STK39: variants seen among roughly 807,000 people sequenced by gnomAD.
STK39 encodes the protein serine/threonine kinase 39.
A neutral mutation model predicts 77.8 loss-of-function variants in STK39; 20 were observed. The ratio of observed to expected loss-of-function variants is 0.26; its 90% CI spans 0.18 to 0.37. The LOEUF (loss-of-function observed/expected upper bound fraction) is 0.37, where lower values mean the gene tolerates loss of function less well. Among genes scored for constraint, STK39 ranks in the 10% least tolerant of loss-of-function variants. The pLI is 1.00. For synonymous variants in STK39, 246 were observed against 234.1 expected (o/e 1.05, Z -0.47); for missense variants, 479 against 656.5 (o/e 0.73, Z 2.95).
intron 17 of STK39, among the ~76,000 whole-genome samples, chr2:167,956,696 A>ACACACACACACACC (rs776309488): frequency 2.0e-5 from 1 of 48,994 alleles, no homozygotes; most frequent in African/African-American, 8.0e-5. Flanking sequence ...ACACACACAC[A>ACACACACACACACC]CTCTCTCTCT....
intron 16 of STK39, among the ~76,000 whole-genome samples, chr2:167,964,939 C>T (rs1395951808): frequency 2.6e-5 from 4 of 152,192 alleles, no homozygotes; most frequent in South Asian, 4.1e-4. Flanking sequence ...TATCTATGCA[C>T]ATCTGAATTA....
chr2:167,998,381 C>A (rs1013082975), intron 16 of STK39, among the ~76,000 whole-genome samples: 1 of 152,178 alleles, frequency 6.6e-6, no homozygotes, highest in Non-Finnish European at 1.5e-5. Context: ...CTTGAAATGG[C>A]AGGTTTGCTT....
At chr2:168,227,798 C>G (rs1690345437) in intron 1 of STK39, among the ~76,000 whole-genome samples, 1 of 152,158 alleles carries the variant, frequency 6.6e-6, no homozygotes, top group Non-Finnish European at 1.5e-5. Context: ...GCTGAGACTA[C>G]AGGCACCCAC....
intron 10 of STK39, among the ~76,000 whole-genome samples, chr2:168,116,500 A>C (rs1023563119): frequency 6.6e-6 from 1 of 152,188 alleles, no homozygotes; most frequent in African/African-American, 2.4e-5. Context: ...AAAAAAATAT[A>C]TTTTTAAAAA....
chr2:168,056,558 T>G (rs1355628500), intron 14 of STK39, among the ~76,000 whole-genome samples: 4 of 152,128 alleles, frequency 2.6e-5, no homozygotes, highest in Non-Finnish European at 4.4e-5. Flanking sequence ...CACACCCAGA[T>G]AGGCTCGGGG....
chr2:168,032,410 A>G (rs1047718381), intron 14 of STK39, among the ~76,000 whole-genome samples: 4 of 152,250 alleles, frequency 2.6e-5, no homozygotes, highest in Admixed American at 2.0e-4. Context: ...TTAAGGACTT[A>G]ACAAGACTGT....
rs530532714 is a variant in STK39 at position 168,025,813 on chromosome 2, T to G, written c.1377-8718A>C. On this transcript the variant is annotated intron_variant, in intron 14 of 17. Transcript: ENST00000355999. Reference sequence around the variant, plus strand: ...AGCTTCCTGTGGCCAAGCTGACGGCTGCTCTGAAGCAGTATCCCTGCTCAT... The same window carrying G: ...AGCTTCCTGTGGCCAAGCTGACGGCGGCTCTGAAGCAGTATCCCTGCTCAT... Among the ~76,000 whole-genome samples the G allele has an allele frequency of 1.3e-3, 192 of 152,362 alleles. 1 individual carries two copies. Among genetic ancestry groups the G allele is most frequent in the Non-Finnish European group, 2.3e-3 (156 of 68,036 alleles).
chr2:167,999,025 TTCAGTTTTCGCAAG>T (rs11271638), intron 16 of STK39, among the ~76,000 whole-genome samples: 29,073 of 152,062 alleles, frequency 0.19, 2,957 homozygotes, highest in East Asian at 0.43. Flanking sequence ...AACACTAGGA[TTCAGTTTTCGCAAG>T]TCATTATGGC....
At chr2:168,099,189 G>A (rs1686754790) in intron 10 of STK39, among the ~76,000 whole-genome samples, 1 of 152,218 alleles carries the variant, frequency 6.6e-6, no homozygotes, top group African/African-American at 2.4e-5. Flanking sequence ...CCAAGCCCCA[G>A]AACCAAGAGA....
intron 10 of STK39, among the ~76,000 whole-genome samples, chr2:168,097,407 G>A (rs1458883421): frequency 6.6e-6 from 1 of 152,152 alleles, no homozygotes; most frequent in African/African-American, 2.4e-5. Context: ...CTCACTAACT[G>A]GCCCATTCCA....
At chr2:168,233,869 T>C (rs1249821951) in intron 1 of STK39, among the ~76,000 whole-genome samples, 5 of 152,198 alleles carry the variant, frequency 3.3e-5, no homozygotes, top group East Asian at 1.9e-4. Context: ...TCTGAAAATA[T>C]TGGGTTTCAT....
chr2:168,074,794 A>C (rs1275446728), intron 12 of STK39, among the ~76,000 whole-genome samples, 188 bp downstream of exon 12: 2 of 152,186 alleles, frequency 1.3e-5, no homozygotes, highest in African/African-American at 4.8e-5. Flanking sequence ...TCAGAAAGCA[A>C]AGTAATTTGC....
chr2:168,154,466 A>C (rs1688374173), intron 5 of STK39, among the ~76,000 whole-genome samples: 1 of 152,248 alleles, frequency 6.6e-6, no homozygotes, highest in African/African-American at 2.4e-5. Context: ...CACAGAATGT[A>C]AACACAGGTT....
intron 14 of STK39, among the ~76,000 whole-genome samples, chr2:168,022,139 C>T (rs1684586710): frequency 6.6e-6 from 1 of 152,118 alleles, no homozygotes; most frequent in Admixed American, 6.6e-5. Flanking sequence ...TGGGATGCTA[C>T]AGCCTTTTTT....
chr2:167,987,622 C>A (rs1253402837), intron 16 of STK39, among the ~76,000 whole-genome samples: 1 of 151,964 alleles, frequency 6.6e-6, no homozygotes, highest in Non-Finnish European at 1.5e-5. Flanking sequence ...CAGAGGAAAC[C>A]CCAGCTGGCA....
chr2:168,247,552 C>CGCCGCCGCCGCT lies in STK39; in HGVS notation c.-118_-117insAGCGGCGGCGGC, dbSNP rs1690972012. The CGCCGCCGCCGCT allele has an allele frequency of 1.4e-6, 1 of 716,984 alleles. No individual in the cohort carries two copies. The highest frequency in any genetic ancestry group is 1.8e-6 in the Non-Finnish European group (1 of 555,692). The allele number at this position is 716,984 out of a possible 1,614,324, so 44.4% of individuals were successfully genotyped here. Reference sequence around the variant, plus strand: ...GGCGCACGCCCTCCCCGCCCGCCGCCGCCGCCGCCGTCCCCGCCGAAGCCA... The same window carrying CGCCGCCGCCGCT: ...GGCGCACGCCCTCCCCGCCCGCCGCCGCCGCCGCCGCTGCCGCCGCCGTCCCCGCCGAAGCCA... On this transcript the variant is annotated 5_prime_UTR_variant, in exon 1 of 18. Transcript: ENST00000355999.
At chr2:167,965,017 T>C (rs1014500335) in intron 16 of STK39, among the ~76,000 whole-genome samples, 1 of 152,096 alleles carries the variant, frequency 6.6e-6, no homozygotes, top group South Asian at 2.1e-4. Flanking sequence ...GTAGAAATGA[T>C]AGCAGCCCCC....
At chr2:168,160,469 T>C (rs74657332) in intron 5 of STK39, among the ~76,000 whole-genome samples, 2 of 151,806 alleles carry the variant, frequency 1.3e-5, no homozygotes, top group African/African-American at 2.4e-5. Context: ...GTAGTAATAG[T>C]AGCAACAGCA....
intron 10 of STK39, among the ~76,000 whole-genome samples, chr2:168,112,019 T>C (rs747554016): frequency 2.0e-5 from 3 of 152,176 alleles, no homozygotes; most frequent in Admixed American, 1.3e-4. Context: ...ATGTTAAGCA[T>C]TGAAGAGCGA....
Sources: gnomAD v4.1 joint callset for allele counts (sites outside exome capture counted in the v4.1 genomes callset) on GRCh38, gnomAD v4.1.1 for gene constraint, MANE v1.5 for transcripts, NCBI Gene and HGNC (gene_info 2026-07-23, HGNC 2026-07-21) for gene names.